The following NRG3 variants were observed in gnomAD, a reference collection of about 807,000 sequenced individuals.
NRG3 encodes neuregulin 3.
Under a neutral mutation model 66.9 loss-of-function variants are expected in NRG3, and 31 were observed. The ratio of observed to expected loss-of-function variants is 0.46; its 90% CI spans 0.35 to 0.63. NRG3 has a LOEUF of 0.63. NRG3 is among the 20% of genes least tolerant of loss of function. The pLI, the probability that NRG3 is intolerant of heterozygous loss-of-function variation, is 0.00. For synonymous variants in NRG3, 393 were observed against 359.4 expected (o/e 1.09, Z -1.06); for missense variants, 910 against 878.9 (o/e 1.04, Z -0.45).
At chr10:82,165,620 A>G (rs2071977528) in intron 1 of NRG3, among the ~76,000 whole-genome samples, 1 of 151,906 alleles carries the variant, frequency 6.6e-6, no homozygotes, top group African/African-American at 2.4e-5. Flanking sequence ...GAATATTTAA[A>G]TTTTTATCAT....
chr10:82,911,360 AG>A (rs1346575418), intron 4 of NRG3, among the ~76,000 whole-genome samples: 2 of 152,106 alleles, frequency 1.3e-5, no homozygotes, highest in Admixed American at 6.5e-5. Context: ...TATATCTAAA[AG>A]CTCAACACGA....
chr10:82,833,268 T>G (rs1367482477), intron 3 of NRG3, among the ~76,000 whole-genome samples: 1 of 152,154 alleles, frequency 6.6e-6, no homozygotes, highest in African/African-American at 2.4e-5. Flanking sequence ...CTCTCTCTGT[T>G]TTTAATACAG....
chr10:82,713,119 CAAAAAAAAAAAAA>C (rs369968319), intron 2 of NRG3, among the ~76,000 whole-genome samples: 1 of 55,344 alleles, frequency 1.8e-5, no homozygotes, highest in Non-Finnish European at 3.0e-5. Context: ...GACTTCATCT[CAAAAAAAAAAAAA>C]AAAAAAAAAA....
chr10:82,487,124 A>C (rs1308746996), intron 2 of NRG3, among the ~76,000 whole-genome samples: 1 of 148,416 alleles, frequency 6.7e-6, no homozygotes, highest in Non-Finnish European at 1.5e-5. Flanking sequence ...TATTATATAG[A>C]TATATATATA....
intron 1 of NRG3, among the ~76,000 whole-genome samples, chr10:82,327,473 C>T (rs1434416820): frequency 1.3e-5 from 2 of 152,192 alleles, no homozygotes. Context: ...TATTCATTTA[C>T]ATGAATGTCC....
chr10:82,264,184 G>T (rs1042305971), intron 1 of NRG3, among the ~76,000 whole-genome samples: 1 of 152,182 alleles, frequency 6.6e-6, no homozygotes, highest in Non-Finnish European at 1.5e-5. Context: ...TGCTAATAAA[G>T]ACATACCTGA....
At chr10:82,035,021 C>T (rs180961364) in intron 1 of NRG3, among the ~76,000 whole-genome samples, 4 of 152,174 alleles carry the variant, frequency 2.6e-5, no homozygotes, top group South Asian at 2.1e-4. Context: ...TAGTTTACTC[C>T]GTGCTGTTCA....
chr10:82,020,066 T>G (rs560552622), intron 1 of NRG3, among the ~76,000 whole-genome samples: 1 of 152,218 alleles, frequency 6.6e-6, no homozygotes, highest in African/African-American at 2.4e-5. Context: ...TTTTCTCTTG[T>G]GGGCATTTAC....
At chr10:82,778,961 A>T (rs987869832) in intron 3 of NRG3, among the ~76,000 whole-genome samples, 1 of 152,068 alleles carries the variant, frequency 6.6e-6, no homozygotes, top group African/African-American at 2.4e-5. Flanking sequence ...GCAGCAGTTT[A>T]ACTGGGGTCT....
At chr10:82,568,098 A>G (rs1284393494) in intron 2 of NRG3, among the ~76,000 whole-genome samples, 4 of 151,944 alleles carry the variant, frequency 2.6e-5, no homozygotes, top group Admixed American at 2.0e-4. Context: ...ACATTAAAAC[A>G]TCATGGCACA....
chr10:82,342,322 T>G (rs2082725982), intron 1 of NRG3, among the ~76,000 whole-genome samples: 1 of 152,078 alleles, frequency 6.6e-6, no homozygotes, highest in African/African-American at 2.4e-5. Context: ...AGTTCTATTT[T>G]TAGTTCTTGG....
intron 2 of NRG3, among the ~76,000 whole-genome samples, chr10:82,713,938 G>A (rs1055606034): frequency 2.0e-5 from 3 of 152,232 alleles, no homozygotes; most frequent in East Asian, 3.9e-4. Context: ...GTGGATGGAT[G>A]CCCTGCTGTC....
At chr10:82,939,043 T>C (rs188536717) in intron 4 of NRG3, among the ~76,000 whole-genome samples, 114 of 152,322 alleles carry the variant, frequency 7.5e-4, no homozygotes, top group African/African-American at 2.5e-3. Flanking sequence ...CAGGTTGCTT[T>C]TTACTTATAA....
chr10:82,217,752 A>T (rs2075759387), intron 1 of NRG3, among the ~76,000 whole-genome samples: 3 of 152,162 alleles, frequency 2.0e-5, no homozygotes, highest in Admixed American at 6.5e-5. Flanking sequence ...AGCCTCTAAA[A>T]TTACACTTCC....
chr10:82,736,487 C>A lies in NRG3; in HGVS notation c.954-2090C>A, dbSNP rs1037821594. ...GGAACAGGGTTTGCTGCCTGCCCAG[C>A]CACACAGCCCCTGGGGGGCTTCCTA... On this transcript the variant is annotated intron_variant, in intron 2 of 8. Coordinates refer to ENST00000372141, the MANE Select transcript of NRG3 (RefSeq NM_001010848.4). 2.6e-5 allele frequency among the ~76,000 whole-genome samples: 4 copies of A among 152,212 alleles called. No homozygotes were observed. The East Asian group carries it at 7.7e-4, about 29-fold the overall frequency.
At chr10:82,029,489 G>A (rs1442515217) in intron 1 of NRG3, among the ~76,000 whole-genome samples, 1 of 152,108 alleles carries the variant, frequency 6.6e-6, no homozygotes, top group Non-Finnish European at 1.5e-5. Flanking sequence ...CTGATTCAAA[G>A]CTGTCAACCC....
At chr10:82,275,076 CA>C (rs1334308351) in intron 1 of NRG3, among the ~76,000 whole-genome samples, 1 of 151,822 alleles carries the variant, frequency 6.6e-6, no homozygotes, top group African/African-American at 2.4e-5. Context: ...TAAAATAATT[CA>C]AAAAATGAAA....
At chr10:82,266,358 T>A (rs1480994282) in intron 1 of NRG3, among the ~76,000 whole-genome samples, 1 of 152,108 alleles carries the variant, frequency 6.6e-6, no homozygotes, top group Non-Finnish European at 1.5e-5. Context: ...AGTGATCACC[T>A]GGACATGTGG....
chr10:82,050,782 CCT>C (rs1309387166), intron 1 of NRG3, among the ~76,000 whole-genome samples: 1 of 80,636 alleles, frequency 1.2e-5, no homozygotes, highest in African/African-American at 3.0e-5. Flanking sequence ...CCCCTTGCTT[CCT>C]CTCAGACTCC....
Sources: allele counts gnomAD v4.1 joint callset (sites outside exome capture counted in the v4.1 genomes callset), GRCh38; gene constraint gnomAD v4.1.1; transcripts MANE v1.5; gene names NCBI Gene and HGNC (gene_info 2026-07-23, HGNC 2026-07-21).